MYO1C: variants seen among roughly 807,000 people sequenced by gnomAD.
MYO1C encodes the protein unconventional myosin-Ic.
A neutral mutation model predicts 150.8 loss-of-function variants in MYO1C; 104 were observed. The observed-to-expected ratio is 0.69, with a 90% CI of 0.59 to 0.81. MYO1C has a LOEUF of 0.81. Among genes scored for constraint, MYO1C ranks in the 30% least tolerant of loss-of-function variants. The pLI is 0.00. For missense variants in MYO1C, 1,504 were observed against 1,435.0 expected, an observed-to-expected ratio of 1.05 and a Z score of -0.78; for synonymous variants, 663 against 579.9, an observed-to-expected ratio of 1.14 and a Z score of -2.06.
intron 17 of MYO1C, among the ~76,000 whole-genome samples, chr17:1,473,929 A>T (rs1057043923): frequency 1.3e-5 from 2 of 152,076 alleles, no homozygotes; most frequent in African/African-American, 2.4e-5. Flanking sequence ...TGCTGCAGGC[A>T]CACCCACTCA....
chr17:1,480,445 T>A (rs1383154214), intron 7 of MYO1C, 82 bp downstream of exon 7: 9 of 1,230,762 alleles, frequency 7.3e-6, no homozygotes, highest in Non-Finnish European at 1.1e-5. Context: ...TGAAACTCCG[T>A]CTCAAAAAAT....
rs762770553 is a variant in MYO1C, at chr17:1,472,140, T to C, written c.1886A>G (p.Asn629Ser). ...EPAYVRCIKP[N>S]DAKQPGRFDE... The stretch of plus-strand genomic sequence containing the variant: ...GGGCCTACCGGGCTGTTTGGCATCA[T>C]TGGGTTTGATGCAGCGGACGTAGGC... The change falls in exon 18 of 32, where the codon AAT becomes AGT. Residue 629 changes from asparagine to serine, a missense_variant. Transcript: ENST00000648651. 3.1e-6 allele frequency: 5 copies of C among 1,613,884 alleles called. No homozygotes were observed. Among genetic ancestry groups the C allele is most frequent in the South Asian group, 1.1e-5 (1 of 91,082 alleles).
rs1282477071 is a variant in MYO1C at position 1,464,852 on chromosome 17, GCC to G, written c.*872_*873del. The G allele has an allele frequency of 6.8e-6, 1 of 147,880 alleles. No individual in the cohort carries two copies. The highest frequency in any genetic ancestry group is 1.5e-5 in the Non-Finnish European group (1 of 67,784). 9.2% of individuals were successfully genotyped at this position (147,880 alleles called of 1,614,324 possible). ...TTTTAAGACGGAGTCTCGCTCTGTT[GCC>G]CAGGCTGGAGTGCAGTGGTGTACTC... On this transcript the variant is annotated 3_prime_UTR_variant, in exon 32 of 32. Coordinates refer to ENST00000648651, the MANE Select transcript of MYO1C (RefSeq NM_001080779.2).
At chr17:1,480,483 G>C (rs779152222) in intron 7 of MYO1C, 44 bp downstream of exon 7, 6 of 1,482,948 alleles carry the variant, frequency 4.0e-6, no homozygotes, top group African/African-American at 1.4e-5. Context: ...GGAGATTTTG[G>C]GGGTGTGACA....
rs112614619 is a variant in MYO1C, at chr17:1,466,044, T to C, written c.3166-292A>G. ...GGTCTCCATCCTGGAGACTCAGACC[T>C]GACTCCCATAGGAATGCCCACCGCC... On this transcript the variant is annotated intron_variant, in intron 31 of 31. Coordinates refer to ENST00000648651, the MANE Select transcript of MYO1C (RefSeq NM_001080779.2). Among the ~76,000 whole-genome samples, 14,553 of 152,024 alleles carry C rather than the reference T, an allele frequency of 0.096. 717 individuals are homozygous for C. Among genetic ancestry groups the C allele is most frequent in the African/African-American group, 0.11 (4,643 of 41,470 alleles).
Position 1,478,203 on chromosome 17 carries a change from G to A in MYO1C, c.1296-11C>T. 3.1e-6 allele frequency: 5 copies of A among 1,610,254 alleles called. No individual in the cohort carries two copies. Among genetic ancestry groups the A allele is most frequent in the Non-Finnish European group, 4.2e-6 (5 of 1,179,526 alleles). On this transcript the variant is annotated splice_polypyrimidine_tract_variant and intron_variant, in intron 11 of 31. Transcript: ENST00000648651. This position sits in a 1 kb window ranked among gnomAD's most constrained non-coding sequence, Gnocchi z 6.3. ...CAGAACTGCTCAAAGCTGTAAGGAA[G>A]GAGAAGAGCCCACAGTGGCTCAGTG...
intron 19 of MYO1C, 73 bp from the exon 20 acceptor site, chr17:1,471,409 G>A: frequency 7.8e-7 from 1 of 1,288,350 alleles, no homozygotes; most frequent in Non-Finnish European, 1.1e-6. Context: ...AGCTTTCTCT[G>A]GGCACCTGCT....
At position 1,467,858 on chromosome 17, in the gene MYO1C, A is replaced by G; in HGVS notation, c.2949T>C (p.Arg983=). The G allele has an allele frequency of 1.3e-6, 2 of 1,591,034 alleles. No individual in the cohort carries two copies. The highest frequency in any genetic ancestry group is 1.7e-6 in the Non-Finnish European group (2 of 1,168,624). ...AAGGCACCTTTTGCTTATTGTCCGC[A>G]CGCTGTACATGAAGCACAAAAAGAC... ...SDSLFVLHVQ[R]ADNKQKGDVV... Residue 983 remains arginine (R), a synonymous_variant, in exon 29 of 32, where the codon CGT becomes CGC. Coordinates refer to ENST00000648651, the MANE Select transcript of MYO1C (RefSeq NM_001080779.2).
chr17:1,479,563 T>G lies in MYO1C; in HGVS notation c.1020+29A>C. ...CCCCCAGCCCCCGCCCCCGCCGTCC[T>G]CCCGTCGCCCTCTGCCCGCCCCACT... On this transcript the variant is annotated intron_variant, in intron 8 of 31. Transcript: ENST00000648651. The surrounding 1 kb of genome is among the most constrained non-coding windows in gnomAD (Gnocchi z 4.2). 1.1e-6 allele frequency: 1 copy of G among 908,678 alleles called. No individual in the cohort carries two copies. Among genetic ancestry groups the G allele is most frequent in the Non-Finnish European group, 1.7e-6 (1 of 578,140 alleles). 56.3% of individuals were successfully genotyped at this position (908,678 alleles called of 1,614,324 possible). A position where few individuals can be genotyped will look rare whatever the true frequency, so the allele number is the denominator to read the frequency against.
intron 1 of MYO1C, chr17:1,485,800 C>CTCGCCCCCCGCA: frequency 1.6e-6 from 1 of 644,148 alleles, no homozygotes; most frequent in Non-Finnish European, 2.0e-6. Flanking sequence ...CGAGGGAGGG[C>CTCGCCCCCCGCA]CCGCCCCCCG....
In MYO1C at chr17:1,484,193, G is replaced by A; in HGVS notation, c.186C>T (p.Ala62=). 10 of 1,613,088 alleles carry A rather than the reference G, an allele frequency of 6.2e-6. No individual in the cohort carries two copies. Among genetic ancestry groups the A allele is most frequent in the Non-Finnish European group, 8.5e-6 (10 of 1,180,026 alleles). ...VLLENFTSEA[A]FIENLRRRFR... is the part of the protein sequence containing the mutation. ...ATCGCCGCCGCAGGTTCTCGATGAAGGCGGCCTCGCTGGTGAAGTTCTCCA... is the reference window on the plus strand; with the variant it reads ...ATCGCCGCCGCAGGTTCTCGATGAAAGCGGCCTCGCTGGTGAAGTTCTCCA... Residue 62 remains alanine, a synonymous_variant, in exon 2 of 32, where the codon GCC becomes GCT. Coordinates refer to ENST00000648651, the MANE Select transcript of MYO1C (RefSeq NM_001080779.2).
chr17:1,482,566 T>C lies in MYO1C; in HGVS notation c.547-8A>G, dbSNP rs747501538. ...CTTGGCATTTCCAAAGGCCTAGGAG[T>C]GGACAGGGGTATGAGGGACACCTGG... On this transcript the variant is annotated splice_region_variant and splice_polypyrimidine_tract_variant and intron_variant, in intron 4 of 31. Coordinates refer to ENST00000648651, the MANE Select transcript of MYO1C (RefSeq NM_001080779.2). The C allele has an allele frequency of 1.9e-6, 3 of 1,612,752 alleles. No homozygotes were observed. The highest frequency in any genetic ancestry group is 1.7e-5 in the Admixed American group (1 of 59,958).
Position 1,474,694 on chromosome 17 carries a change from T to A in MYO1C, c.1717-4A>T. On this transcript the variant is annotated splice_polypyrimidine_tract_variant and splice_region_variant and intron_variant, in intron 16 of 31. Coordinates refer to ENST00000648651, the MANE Select transcript of MYO1C (RefSeq NM_001080779.2). The stretch of plus-strand genomic sequence containing the variant: ...GATTCTTTGAGCTACACATGGTCTG[T>A]GTGGGCAGAGCCGGGGTCAGGGTGG... 6.2e-7 allele frequency: 1 copy of A among 1,614,000 alleles called. No individual in the cohort carries two copies. The highest frequency in any genetic ancestry group is 1.1e-5 in the South Asian group (1 of 91,080).
chr17:1,473,632 G>A (rs73976226), intron 17 of MYO1C, among the ~76,000 whole-genome samples: 113 of 152,140 alleles, frequency 7.4e-4, no homozygotes, highest in African/African-American at 2.5e-3. Context: ...CCCAACAGCC[G>A]TACCTCCGCC....
In MYO1C at chr17:1,474,648, C is replaced by G. The variant is rs559019503; in HGVS notation, c.1759G>C (p.Asp587His). Residue 587 changes from aspartate (D) to histidine (H), a missense_variant, in exon 17 of 32, where the codon GAC becomes CAC. Physicochemically the swap from Asp to His is moderately conservative, Grantham distance 81. Coordinates refer to ENST00000648651, the MANE Select transcript of MYO1C (RefSeq NM_001080779.2). Reference sequence around the variant, plus strand: ...TTCTTGTCACTGAGCTCGCTCCGGTCAAAGCACTGGCTCATAATGGGATTC... The same window carrying G: ...TTCTTGTCACTGAGCTCGCTCCGGTGAAAGCACTGGCTCATAATGGGATTC... ...SKNPIMSQCF[D>H]RSELSDKKRP... 2.5e-6 allele frequency: 4 copies of G among 1,613,990 alleles called. No individual in the cohort carries two copies. The highest frequency in any genetic ancestry group is 1.7e-4 in the Middle Eastern group (1 of 6,058).
intron 29 of MYO1C, 96 bp downstream of exon 29, chr17:1,467,744 C>T (rs2074206787): frequency 3.3e-6 from 2 of 613,622 alleles, no homozygotes; most frequent in African/African-American, 5.0e-5. Flanking sequence ...CTCCCACCTC[C>T]CCATCCACCC....
At chr17:1,488,639 G>C (rs186255103) in intron 1 of MYO1C, among the ~76,000 whole-genome samples, 1 of 152,370 alleles carries the variant, frequency 6.6e-6, no homozygotes, top group Admixed American at 6.5e-5. Context: ...GGGCTGCCCT[G>C]AGCCTCTTTG....
intron 17 of MYO1C, among the ~76,000 whole-genome samples, chr17:1,473,627 C>T (rs560124012): frequency 7.2e-5 from 11 of 152,248 alleles, no homozygotes; most frequent in Admixed American, 3.3e-4. Context: ...CCAAGCCCAA[C>T]AGCCGTACCT....
chr17:1,485,746 C>G (rs2074641325), intron 1 of MYO1C: 1 of 1,119,176 alleles, frequency 8.9e-7, no homozygotes. Flanking sequence ...CTCCGCTGCC[C>G]GCGCTCCGGG....
Sources: gnomAD v4.1 joint callset for allele counts (sites outside exome capture counted in the v4.1 genomes callset) on GRCh38, gnomAD v4.1.1 for gene constraint, Gnocchi (gnomAD v3.1) non-coding constraint, MANE v1.5 for transcripts, NCBI Gene and HGNC (gene_info 2026-07-23, HGNC 2026-07-21) for gene names.